The following PDZD2 variants were observed in gnomAD, a reference collection of about 807,000 sequenced individuals.
PDZD2 encodes the protein PDZ domain-containing protein 2.
PDZD2 carries 90 observed loss-of-function variants against 220.7 expected under a neutral mutation model. The observed-to-expected ratio is 0.41, with a 90% confidence interval of 0.34 to 0.49. PDZD2 has a LOEUF of 0.49. PDZD2 is among the 20% of genes least tolerant of loss of function. The pLI is 0.28. For synonymous variants in PDZD2, 1,375 were observed against 1,450.5 expected (o/e 0.95, Z 1.18); for missense variants, 3,174 against 3,608.5 (o/e 0.88, Z 3.08).
intron 2 of PDZD2, among the ~76,000 whole-genome samples, chr5:31,877,570 GT>G (rs1378238593): frequency 1.3e-5 from 2 of 152,060 alleles, no homozygotes; most frequent in African/African-American, 4.8e-5. Context: ...GCTGTACTTT[GT>G]TCATTGTCAT....
At chr5:31,989,867 T>C (rs142068637) in intron 3 of PDZD2, among the ~76,000 whole-genome samples, 1 of 152,332 alleles carries the variant, frequency 6.6e-6, no homozygotes, top group Non-Finnish European at 1.5e-5. Context: ...TAGGTATTTA[T>C]TAATCAAGGC....
Position 31,989,042 on chromosome 5 carries a change from C to T in PDZD2, c.978+5386C>T, listed in dbSNP as rs577670755. Among the ~76,000 whole-genome samples, 6 of 152,272 alleles carry T rather than the reference C, an allele frequency of 3.9e-5. No individual in the cohort carries two copies. In the South Asian group the frequency reaches 1.3e-3, roughly 32 times the overall value. ...CCCCAGTAGACTTTAAGAGCAAAGCCTTTGATTTTTTAAAAATGTTTTATA... is the reference window on the plus strand; with the variant it reads ...CCCCAGTAGACTTTAAGAGCAAAGCTTTTGATTTTTTAAAAATGTTTTATA... On this transcript the variant is annotated intron_variant, in intron 3 of 24. Transcript: ENST00000438447.
At chr5:31,911,915 T>G (rs892075779) in intron 2 of PDZD2, among the ~76,000 whole-genome samples, 1 of 152,134 alleles carries the variant, frequency 6.6e-6, no homozygotes, top group Non-Finnish European at 1.5e-5. Context: ...ATGCTTCTGA[T>G]TGGTAGAAAT....
chr5:32,064,196 T>G (rs542104830), intron 14 of PDZD2, among the ~76,000 whole-genome samples: 3 of 152,126 alleles, frequency 2.0e-5, no homozygotes, highest in Non-Finnish European at 4.4e-5. Context: ...TTTTTGTTTG[T>G]TTTTGGACGC....
At chr5:31,713,760 T>C (rs141754276) in intron 1 of PDZD2, among the ~76,000 whole-genome samples, 70 of 152,350 alleles carry the variant, frequency 4.6e-4, no homozygotes, top group African/African-American at 1.5e-3. Flanking sequence ...TTGGCTAGGC[T>C]GGTCTCAAAC....
chr5:31,887,588 T>G (rs564502104), intron 2 of PDZD2, among the ~76,000 whole-genome samples: 50 of 152,194 alleles, frequency 3.3e-4, no homozygotes, highest in African/African-American at 1.1e-3. Flanking sequence ...ATCTGCAGAG[T>G]CTGCTTCTCT....
chr5:31,881,482 A>G (rs1739921002), intron 2 of PDZD2, among the ~76,000 whole-genome samples: 2 of 150,466 alleles, frequency 1.3e-5, no homozygotes, highest in Non-Finnish European at 3.0e-5. Flanking sequence ...GATTTAAGCC[A>G]TTCTCCTGCC....
intron 2 of PDZD2, among the ~76,000 whole-genome samples, chr5:31,830,168 C>CTTT (rs11350706): frequency 2.2e-5 from 3 of 135,058 alleles, no homozygotes; most frequent in African/African-American, 8.3e-5. Flanking sequence ...AATCCAATGG[C>CTTT]TTTTTTTTTT....
intron 13 of PDZD2, among the ~76,000 whole-genome samples, chr5:32,060,795 A>G (rs1338252766): frequency 6.6e-6 from 1 of 152,252 alleles, no homozygotes; most frequent in East Asian, 1.9e-4. Flanking sequence ...GCCAGTAAAT[A>G]TGCATAATGA....
intron 2 of PDZD2, among the ~76,000 whole-genome samples, chr5:31,839,523 G>A (rs1195833960): frequency 6.6e-6 from 1 of 152,224 alleles, no homozygotes; most frequent in Admixed American, 6.5e-5. Flanking sequence ...GAGGTTTTAG[G>A]TAGAAGGGAG....
chr5:31,891,074 C>T (rs565944359), intron 2 of PDZD2, among the ~76,000 whole-genome samples: 1 of 151,552 alleles, frequency 6.6e-6, no homozygotes, highest in South Asian at 2.1e-4. Context: ...CCTTCTCATT[C>T]TCGCTGCTTC....
Position 32,072,262 on chromosome 5 carries a change from C to G in PDZD2, c.2670C>G (p.His890Gln), listed in dbSNP as rs1489334048. The change falls in exon 17 of 25, where the codon CAC becomes CAG. Residue 890 changes from histidine to glutamine, a missense_variant. By Grantham distance (24) the His-to-Gln change is conservative. Transcript: ENST00000438447. Reference sequence around the variant, plus strand: ...TGGCCGGTTCTGAGGACGAGGATCACCCGGGAAGTGGCTGCAGCACGTCGG... The same window carrying G: ...TGGCCGGTTCTGAGGACGAGGATCAGCCGGGAAGTGGCTGCAGCACGTCGG... Reference protein sequence around the residue: ...FMVAGSEDEDHPGSGCSTSEE... With the variant: ...FMVAGSEDEDQPGSGCSTSEE... 1 of 1,614,018 alleles carries G rather than the reference C, an allele frequency of 6.2e-7. No homozygotes were observed. The highest frequency in any genetic ancestry group is 8.5e-7 in the Non-Finnish European group (1 of 1,179,986).
rs184966545 is a variant in PDZD2, at chr5:32,050,372, A to G, written c.1665+1688A>G. Among the ~76,000 whole-genome samples the G allele has an allele frequency of 5.0e-4, 76 of 152,316 alleles. 2 individuals carry two copies. In the East Asian group the frequency reaches 9.6e-3, roughly 19 times the overall value. ...AAACATCCATTTTTAACCACACTTC[A>G]GGGATCGGGAAGCCCAGGCCAGGGT... On this transcript the variant is annotated intron_variant, in intron 8 of 24. Transcript: ENST00000438447.
intron 23 of PDZD2, 172 bp from the exon 24 acceptor site, chr5:32,100,933 A>T: frequency 6.3e-7 from 1 of 1,598,352 alleles, no homozygotes; most frequent in Non-Finnish European, 8.5e-7. Flanking sequence ...TGGGAGGCCA[A>T]CAGTGCTACT....
chr5:31,791,232 T>A (rs1753704987), intron 1 of PDZD2, among the ~76,000 whole-genome samples: 1 of 152,106 alleles, frequency 6.6e-6, no homozygotes, highest in Non-Finnish European at 1.5e-5. Context: ...CTAAGCAAAG[T>A]GATAGTTCTC....
In PDZD2 at chr5:31,983,313, AG is replaced by A; in HGVS notation, c.639del (p.Lys214AsnfsTer53). Reference protein sequence around the residue: ...TLELGDRTAKKGKRTRKFGVI... With the variant: ...TLELGDRTAKXGKRTRKFGVI... The stretch of plus-strand genomic sequence containing the variant: ...GAGCTGGGTGACCGAACTGCGAAAA[AG>A]GGGAAACGAACCAGAAAGTTTGGGG... On this transcript the variant is annotated frameshift_variant, in exon 3 of 25. Coordinates refer to ENST00000438447, the MANE Select transcript of PDZD2 (RefSeq NM_178140.4). LOFTEE classifies it high-confidence loss of function. The A allele has an allele frequency of 6.2e-7, 1 of 1,614,184 alleles. No individual in the cohort carries two copies. Among genetic ancestry groups the A allele is most frequent in the Non-Finnish European group, 8.5e-7 (1 of 1,180,004 alleles).
intron 1 of PDZD2, among the ~76,000 whole-genome samples, chr5:31,759,218 T>C (rs1219526684): frequency 6.6e-6 from 1 of 151,928 alleles, no homozygotes; most frequent in Admixed American, 6.6e-5. Flanking sequence ...TACTGCAGGA[T>C]TGAAGTGTAT....
In PDZD2 at chr5:32,010,628, C is replaced by T. The variant is rs911133524; in HGVS notation, c.1407+146C>T. 1.8e-5 allele frequency: 13 copies of T among 735,734 alleles called. No individual in the cohort carries two copies. The Admixed American group carries it at 2.1e-4, about 12-fold the overall frequency. 45.6% of individuals were successfully genotyped at this position (735,734 alleles called of 1,614,324 possible). On this transcript the variant is annotated intron_variant, in intron 6 of 24. Coordinates refer to ENST00000438447, the MANE Select transcript of PDZD2 (RefSeq NM_178140.4). ...CAGTGCATTCTTTCTATGTTTTTCT[C>T]GGAATCTCTGAGAAAAATCTGTGAG...
At chr5:31,790,933 C>T (rs1753679675) in intron 1 of PDZD2, among the ~76,000 whole-genome samples, 2 of 150,870 alleles carry the variant, frequency 1.3e-5, no homozygotes, top group African/African-American at 4.9e-5. Context: ...CTCCTGACCT[C>T]GTGATCCGCC....
Sources: allele counts gnomAD v4.1 joint callset (sites outside exome capture counted in the v4.1 genomes callset), GRCh38; gene constraint gnomAD v4.1.1; transcripts MANE v1.5; gene names NCBI Gene and HGNC (gene_info 2026-07-23, HGNC 2026-07-21).